The following ZNF20 variants were observed in gnomAD, a reference collection of about 807,000 sequenced individuals.
ZNF20 encodes the protein zinc finger protein KOX13.
In ZNF20, 9 loss-of-function variants were observed where a neutral mutation model predicts 11.0. The observed-to-expected ratio is 0.82, with a 90% confidence interval of 0.49 to 1.43. The LOEUF (loss-of-function observed/expected upper bound fraction) is 1.43. ZNF20 is among the 40% of genes most tolerant of loss of function. The pLI is 0.00. For synonymous variants in ZNF20, 182 were observed against 213.0 expected (o/e 0.85, Z 1.27); for missense variants, 528 against 640.8 (o/e 0.82, Z 1.90).
rs377612416 is a variant in ZNF20 at position 12,132,922 on chromosome 19, G to T, written c.1264C>A (p.Pro422Thr). The T allele has an allele frequency of 4.3e-5, 70 of 1,614,080 alleles. No individual in the cohort carries two copies. The East Asian group carries it at 5.6e-4, about 13-fold the overall frequency. ...IHERTHTGEKPHECKQCGKAF... is the reference protein window; with the variant it reads ...IHERTHTGEKTHECKQCGKAF... ...TTTCCACATTGCTTACATTCATGGGGCTTCTCTCCAGTGTGCGTCCTTTCA... is the reference window on the plus strand; with the variant it reads ...TTTCCACATTGCTTACATTCATGGGTCTTCTCTCCAGTGTGCGTCCTTTCA... The change falls in exon 4 of 4, where the codon CCC becomes ACC. Residue 422 changes from proline (P) to threonine (T), a missense_variant. Transcript: ENST00000334213.
chr19:12,132,477 CAA>C lies in ZNF20; in HGVS notation c.*108_*109del. 1 of 1,139,070 alleles carries C rather than the reference CAA, an allele frequency of 8.8e-7. No homozygotes were observed. Among genetic ancestry groups the C allele is most frequent in the Non-Finnish European group, 1.2e-6 (1 of 803,896 alleles). The allele number at this position is 1,139,070 out of a possible 1,614,324, so 70.6% of individuals were successfully genotyped here. ...TTGTCCTATCGCAAGTCTCTCTTCT[CAA>C]TTCAAAAAGCAGTTATCCAGAGGTT... On this transcript the variant is annotated 3_prime_UTR_variant, in exon 4 of 4. Coordinates refer to ENST00000334213, the MANE Select transcript of ZNF20 (RefSeq NM_021143.4).
Position 12,133,434 on chromosome 19 carries a change from C to G in ZNF20, c.752G>C (p.Gly251Ala). ...TLPVHERTHT[G>A]VNADECKECG... Reference sequence around the variant, plus strand: ...TTCTTTACATTCATCGGCATTCACTCCTGTGTGAGTTCTTTCATGTACTGG... The same window carrying G: ...TTCTTTACATTCATCGGCATTCACTGCTGTGTGAGTTCTTTCATGTACTGG... Residue 251 changes from glycine to alanine, a missense_variant, in exon 4 of 4, where the codon GGA becomes GCA. Gly to Ala is a moderately conservative substitution (Grantham distance 60). Transcript: ENST00000334213. 1 of 1,613,978 alleles carries G rather than the reference C, an allele frequency of 6.2e-7. No individual in the cohort carries two copies. The highest frequency in any genetic ancestry group is 8.5e-7 in the Non-Finnish European group (1 of 1,179,956).
In ZNF20 at chr19:12,132,429, C is replaced by T; in HGVS notation, c.*158G>A. On this transcript the variant is annotated 3_prime_UTR_variant, in exon 4 of 4. Transcript: ENST00000334213. ...CTATAGGTGAATTGTATTACGAAAC[C>T]ATCCAAGTTCTTCTAGATTTTATTG... 1.4e-6 allele frequency: 1 copy of T among 735,918 alleles called. No homozygotes were observed. Among genetic ancestry groups the T allele is most frequent in the Admixed American group, 3.2e-5 (1 of 31,062 alleles). The allele number at this position is 735,918 out of a possible 1,614,324, so 45.6% of individuals were successfully genotyped here.
rs1976638282 is a variant in ZNF20 at position 12,132,513 on chromosome 19, ACT to A, written c.*72_*73del. 4 of 1,446,338 alleles carry A rather than the reference ACT, an allele frequency of 2.8e-6. No individual in the cohort carries two copies. The highest frequency in any genetic ancestry group is 2.3e-5 in the East Asian group (1 of 43,694). 89.6% of individuals were successfully genotyped at this position (1,446,338 alleles called of 1,614,324 possible). A position where few individuals can be genotyped will look rare whatever the true frequency, so the allele number is the denominator to read the frequency against. On this transcript the variant is annotated 3_prime_UTR_variant, in exon 4 of 4. Transcript: ENST00000334213. The stretch of plus-strand genomic sequence containing the variant: ...GCAGTTATCCAGAGGTTCTTTCACC[ACT>A]CTCTTTTCTTGTGTTTCAAAGGAAG...
intron 1 of ZNF20, among the ~76,000 whole-genome samples, chr19:12,137,989 C>T (rs1976739104): frequency 6.6e-6 from 1 of 152,122 alleles, no homozygotes; most frequent in Admixed American, 6.6e-5. Context: ...GATCCCACAC[C>T]CTGCCTCAGG....
At chr19:12,138,907 G>A (rs796624932) in intron 1 of ZNF20, among the ~76,000 whole-genome samples, 12 of 152,306 alleles carry the variant, frequency 7.9e-5, no homozygotes, top group African/African-American at 2.9e-4. Context: ...AATTTAAGAT[G>A]TTACTGCAAA....
Position 12,133,391 on chromosome 19 carries a change from A to C in ZNF20, c.795T>G (p.Ser265Arg). The stretch of plus-strand genomic sequence containing the variant: ...TATGTCTACGAATTTCACTAGGAAA[A>C]CTGAATGCATTCCCACATTCTTTAC... Reference protein sequence around the residue: ...DECKECGNAFSFPSEIRRHKR... With the variant: ...DECKECGNAFRFPSEIRRHKR... The change falls in exon 4 of 4, where the codon AGT becomes AGG. Residue 265 changes from serine to arginine, a missense_variant. By Grantham distance (110) the Ser-to-Arg change is moderately radical. Coordinates refer to ENST00000334213, the MANE Select transcript of ZNF20 (RefSeq NM_021143.4). The C allele has an allele frequency of 6.2e-7, 1 of 1,614,174 alleles. No individual in the cohort carries two copies. Among genetic ancestry groups the C allele is most frequent in the Non-Finnish European group, 8.5e-7 (1 of 1,179,990 alleles).
intron 1 of ZNF20, 51 bp downstream of exon 1, chr19:12,140,129 G>A (rs1976777261): frequency 1.3e-6 from 2 of 1,578,686 alleles, no homozygotes; most frequent in East Asian, 2.3e-5. Flanking sequence ...GCTTCCGGCC[G>A]GTTCCACCCA....
chr19:12,140,048 G>T, intron 1 of ZNF20, 132 bp downstream of exon 1: 1 of 1,220,772 alleles, frequency 8.2e-7, no homozygotes, highest in Non-Finnish European at 1.1e-6. Context: ...ACGCAGGGAC[G>T]AGCTGAGACA....
rs2145603326 is a variant in ZNF20 at position 12,139,708 on chromosome 19, T to C, written c.3+472A>G. On this transcript the variant is annotated intron_variant, in intron 1 of 3. Coordinates refer to ENST00000334213, the MANE Select transcript of ZNF20 (RefSeq NM_021143.4). This position sits in a 1 kb window ranked among gnomAD's most constrained non-coding sequence, Gnocchi z 4.0. ...ACCATGCCCGGCTAATTTTTTGTAT[T>C]TTTAGTAGAGACGGGGTTTCACTGT... 6.6e-6 allele frequency among the ~76,000 whole-genome samples: 1 copy of C among 152,126 alleles called. No homozygotes were observed. The highest frequency in any genetic ancestry group is 2.1e-4 in the South Asian group (1 of 4,800).
rs1350474487 is a variant in ZNF20, at chr19:12,135,779, C to G, written c.129G>C (p.Leu43=). ...RDVMQETFKN[L]TSVGKTWKVQ... Reference sequence around the variant, plus strand: ...TATTGTCATTCTTACCTACAGAGGTCAGGTTCTTGAAGGTTTCCTGCATCA... The same window carrying G: ...TATTGTCATTCTTACCTACAGAGGTGAGGTTCTTGAAGGTTTCCTGCATCA... Residue 43 remains leucine (L), a synonymous_variant, in exon 2 of 4, where the codon CTG becomes CTC. Coordinates refer to ENST00000334213, the MANE Select transcript of ZNF20 (RefSeq NM_021143.4). 1.2e-6 allele frequency: 2 copies of G among 1,613,874 alleles called. No individual in the cohort carries two copies. The highest frequency in any genetic ancestry group is 1.7e-6 in the Non-Finnish European group (2 of 1,179,922).
In ZNF20 at chr19:12,133,527, A is replaced by C. The variant is rs1333872204; in HGVS notation, c.659T>G (p.Ile220Ser). The change falls in exon 4 of 4, where the codon ATT becomes AGT. Residue 220 changes from isoleucine (I) to serine (S), a missense_variant. By Grantham distance (142) the Ile-to-Ser change is moderately radical. Transcript: ENST00000334213. ...FLNLCLIHER[I>S]HTGVKPYKCK... ...CTTATATGGTTTCACACCAGTGTGA[A>C]TTCGTTCATGGATAAGACATAAATT... is the stretch of plus-strand genomic sequence containing the variant. 6.2e-7 allele frequency: 1 copy of C among 1,614,092 alleles called. No homozygotes were observed. The highest frequency in any genetic ancestry group is 1.7e-5 in the Admixed American group (1 of 60,010).
chr19:12,140,141 C>T, intron 1 of ZNF20, 39 bp downstream of exon 1: 1 of 1,589,366 alleles, frequency 6.3e-7, no homozygotes, highest in Non-Finnish European at 8.6e-7. Context: ...TTCCACCCAG[C>T]CCCTCCCCCG....
In ZNF20 at chr19:12,132,537, G is replaced by A; in HGVS notation, c.*50C>T. On this transcript the variant is annotated 3_prime_UTR_variant, in exon 4 of 4. Transcript: ENST00000334213. ...CACTCTCTTTTCTTGTGTTTCAAAG[G>A]AAGTGGGACAACAGAAAGCTTCTCC... is the stretch of plus-strand genomic sequence containing the variant. 4.0e-6 allele frequency: 6 copies of A among 1,509,536 alleles called. 1 individual carries two copies. In the South Asian group the frequency reaches 8.2e-5, roughly 21 times the overall value. 93.5% of individuals were successfully genotyped at this position (1,509,536 alleles called of 1,614,324 possible). A position where few individuals can be genotyped will look rare whatever the true frequency, so the allele number is the denominator to read the frequency against.
At position 12,133,523 on chromosome 19, in the gene ZNF20, G is replaced by T. The variant is rs1186699568; in HGVS notation, c.663C>A (p.His221Gln). Reference protein sequence around the residue: ...LNLCLIHERIHTGVKPYKCKQ... With the variant: ...LNLCLIHERIQTGVKPYKCKQ... ...TACACTTATATGGTTTCACACCAGTGTGAATTCGTTCATGGATAAGACATA... is the reference window on the plus strand; with the variant it reads ...TACACTTATATGGTTTCACACCAGTTTGAATTCGTTCATGGATAAGACATA... The change falls in exon 4 of 4, where the codon CAC (histidine) becomes CAA (glutamine). Residue 221 changes from histidine (H) to glutamine (Q), a missense_variant. His to Gln is a conservative substitution (Grantham distance 24, BLOSUM62 0). Coordinates refer to ENST00000334213, the MANE Select transcript of ZNF20 (RefSeq NM_021143.4). 4.3e-6 allele frequency: 7 copies of T among 1,614,068 alleles called. No homozygotes were observed. Among genetic ancestry groups the T allele is most frequent in the Non-Finnish European group, 5.9e-6 (7 of 1,180,050 alleles).
At chr19:12,135,419 C>T (rs1014002253) in intron 3 of ZNF20, 81 bp downstream of exon 3, 53 of 1,434,056 alleles carry the variant, frequency 3.7e-5, no homozygotes, top group Non-Finnish European at 4.7e-5. Flanking sequence ...GGATTACAGG[C>T]GTGAGCCACT....
chr19:12,138,800 CAA>C (rs757720775), intron 1 of ZNF20, among the ~76,000 whole-genome samples: 232 of 151,582 alleles, frequency 1.5e-3, no homozygotes, highest in African/African-American at 4.8e-3. Flanking sequence ...GCCTGGGCAA[CAA>C]GAGCGAAACT....
chr19:12,136,883 G>A (rs1599433828), intron 1 of ZNF20: 1 of 440,012 alleles, frequency 2.3e-6, no homozygotes, highest in East Asian at 7.8e-5. Flanking sequence ...TTACCTACAG[G>A]AGAACAAACA....
chr19:12,135,905 C>G lies in ZNF20; in HGVS notation c.4-1G>C. On this transcript the variant is annotated splice_acceptor_variant, in intron 1 of 3. Coordinates refer to ENST00000334213, the MANE Select transcript of ZNF20 (RefSeq NM_021143.4). LOFTEE classifies it high-confidence loss of function. ...CAAAGGCCACTGAATCCTGAAACAT[C>G]TCACATATATAAAAGAGGACAGGTA... 1.9e-6 allele frequency: 3 copies of G among 1,613,786 alleles called. No individual in the cohort carries two copies. Among genetic ancestry groups the G allele is most frequent in the Non-Finnish European group, 2.5e-6 (3 of 1,179,924 alleles).
Sources: allele counts gnomAD v4.1 joint callset (sites outside exome capture counted in the v4.1 genomes callset), GRCh38; gene constraint gnomAD v4.1.1; non-coding constraint Gnocchi (gnomAD v3.1); transcripts MANE v1.5; gene names NCBI Gene and HGNC (gene_info 2026-07-23, HGNC 2026-07-21).